Variants in SMG1 observed in about 807,000 individuals in gnomAD.
SMG1 encodes the protein serine/threonine-protein kinase SMG1.
A neutral mutation model predicts 419.9 loss-of-function variants in SMG1; 22 were observed. That is an observed-to-expected ratio of 0.05 (90% CI 0.04 to 0.07). The LOEUF (loss-of-function observed/expected upper bound fraction) is 0.07. Ranked by LOEUF, SMG1 falls within the 10% of genes least tolerant of loss-of-function variation. The pLI is 1.00. For synonymous variants in SMG1, 1,538 were observed against 1,553.5 expected, an observed-to-expected ratio of 0.99 and a Z score of 0.23; for missense variants, 3,185 against 4,342.0, an observed-to-expected ratio of 0.73 and a Z score of 7.49.
At chr16:18,810,955 A>G (rs983389118) in intron 62 of SMG1, among the ~76,000 whole-genome samples, 1 of 152,186 alleles carries the variant, frequency 6.6e-6, no homozygotes, top group Non-Finnish European at 1.5e-5. Context: ...TAAAACGTTT[A>G]TGGGCATTCC....
chr16:18,827,964 T>G (rs2032867875), intron 55 of SMG1, 67 bp downstream of exon 55: 2 of 1,524,132 alleles, frequency 1.3e-6, no homozygotes, highest in Non-Finnish European at 1.8e-6. Flanking sequence ...AACAGAGCAC[T>G]AACAATCATA....
rs2031052719 is a variant in SMG1, at chr16:18,808,425, T to A, written c.*1144A>T. The A allele has an allele frequency of 6.6e-6, 1 of 152,158 alleles. No homozygotes were observed. The highest frequency in any genetic ancestry group is 2.4e-5 in the African/African-American group (1 of 41,418). 9.4% of individuals were successfully genotyped at this position (152,158 alleles called of 1,614,324 possible). ...AAATGAAAAACATGAATTAAAAAAA[T>A]TTCAGTCTACCTCCACCAGAACATC... On this transcript the variant is annotated 3_prime_UTR_variant, in exon 63 of 63. Coordinates refer to ENST00000446231, the MANE Select transcript of SMG1 (RefSeq NM_015092.5).
Position 18,829,467 on chromosome 16 carries a change from G to C in SMG1, c.9422C>G (p.Ala3141Gly). 2 of 1,613,968 alleles carry C rather than the reference G, an allele frequency of 1.2e-6. No individual in the cohort carries two copies. The highest frequency in any genetic ancestry group is 1.7e-6 in the Non-Finnish European group (2 of 1,179,886). ...CCCTATCTGGATGTTATGTTCCACC[G>C]CTTTCTTACAGAGATCATCAACAGA... Reference protein sequence around the residue: ...KVSVDDLCKKAVEHNIQIGKF... With the variant: ...KVSVDDLCKKGVEHNIQIGKF... The change falls in exon 54 of 63, where the codon GCG (alanine) becomes GGG (glycine). Residue 3141 changes from alanine (A) to glycine (G), a missense_variant. Around this residue, in one of 27 missense-constraint regions of SMG1, gnomAD observed 737 missense variants for 846.6 expected, o/e 0.87. Coordinates refer to ENST00000446231, the MANE Select transcript of SMG1 (RefSeq NM_015092.5).
At chr16:18,917,749 G>T (rs867322333) in intron 1 of SMG1, among the ~76,000 whole-genome samples, 5 of 150,754 alleles carry the variant, frequency 3.3e-5, no homozygotes, top group African/African-American at 1.2e-4. Flanking sequence ...GACTAATTTT[G>T]TATTTTTAGT....
intron 4 of SMG1, 65 bp from the exon 5 acceptor site, chr16:18,890,986 C>T: frequency 1.2e-6 from 1 of 829,924 alleles, no homozygotes; most frequent in Non-Finnish European, 2.1e-6. Context: ...GCATTGTGTA[C>T]TTTTTTACTT....
Position 18,841,754 on chromosome 16 carries a change from G to A in SMG1, c.6507C>T (p.Phe2169=). Residue 2169 remains phenylalanine (F), a synonymous_variant, in exon 41 of 63, where the codon TTC becomes TTT. Coordinates refer to ENST00000446231, the MANE Select transcript of SMG1 (RefSeq NM_015092.5). ...DLHLDERIMQ[F]LSIVNTMFAT... is the part of the protein sequence containing the mutation. ...CAAACATGGTATTCACAATAGATAG[G>A]AACTGCATTATTCTCTCATCCAGAT... is the stretch of plus-strand genomic sequence containing the variant. 1 of 1,613,878 alleles carries A rather than the reference G, an allele frequency of 6.2e-7. No individual in the cohort carries two copies. The highest frequency in any genetic ancestry group is 8.5e-7 in the Non-Finnish European group (1 of 1,179,868).
chr16:18,894,893 C>T (rs1456586003), intron 3 of SMG1, among the ~76,000 whole-genome samples: 1 of 152,092 alleles, frequency 6.6e-6, no homozygotes, highest in Non-Finnish European at 1.5e-5. Context: ...TCTAAGCTCA[C>T]TGCAAGCTCC....
At chr16:18,842,645 C>T (rs1390461569) in intron 39 of SMG1, among the ~76,000 whole-genome samples, 191 bp from the exon 40 acceptor site, 1 of 152,086 alleles carries the variant, frequency 6.6e-6, no homozygotes, top group Non-Finnish European at 1.5e-5. Flanking sequence ...AGCAACATGG[C>T]AAAACCCCAT....
chr16:18,834,135 G>C, intron 50 of SMG1, 69 bp downstream of exon 50: 1 of 1,179,806 alleles, frequency 8.5e-7, no homozygotes, highest in Non-Finnish European at 1.2e-6. Context: ...TGCTTTCCTG[G>C]GTTAAAGAGA....
intron 1 of SMG1, among the ~76,000 whole-genome samples, chr16:18,907,845 CAAAAAAAAAAAAAAAA>C (rs71141092): frequency 1.8e-5 from 1 of 54,976 alleles, no homozygotes; most frequent in African/African-American, 6.6e-5. Context: ...GAACGAGACT[CAAAAAAAAAAAAAAAA>C]AAAAAAAAGA....
Position 18,830,015 on chromosome 16 carries a change from T to G in SMG1, c.9044A>C (p.Gln3015Pro). ...VNFFDDDNHR[Q>P]VLEEIFFLKR... ...TAGAAAGAAAATCTCTTCTAGCACC[T>G]GCCGGTGATTATCATCATCAAAAAA... Residue 3015 changes from glutamine (Q) to proline (P), a missense_variant, in exon 53 of 63, where the codon CAG becomes CCG. By Grantham distance (76) the Gln-to-Pro change is moderately conservative (BLOSUM62 -1). Around this residue, in one of 27 missense-constraint regions of SMG1, gnomAD observed 737 missense variants for 846.6 expected, o/e 0.87. Transcript: ENST00000446231. The G allele has an allele frequency of 6.3e-7, 1 of 1,594,988 alleles. No individual in the cohort carries two copies. Among genetic ancestry groups the G allele is most frequent in the Non-Finnish European group, 8.6e-7 (1 of 1,169,552 alleles).
At chr16:18,874,010 G>A (rs569067237) in intron 13 of SMG1, among the ~76,000 whole-genome samples, 119 of 152,344 alleles carry the variant, frequency 7.8e-4, no homozygotes, top group African/African-American at 2.6e-3. Context: ...GGTAATAAGC[G>A]AAGCAGCTAT....
chr16:18,876,044 A>G (rs2036115049), intron 13 of SMG1, 80 bp downstream of exon 13: 12 of 1,455,760 alleles, frequency 8.2e-6, no homozygotes, highest in South Asian at 5.9e-5. Context: ...ACATCTTGAC[A>G]TGACAGTGAA....
intron 49 of SMG1, 23 bp from the exon 50 acceptor site, chr16:18,834,461 C>G (rs1446740157): frequency 1.9e-6 from 3 of 1,596,394 alleles, no homozygotes; most frequent in African/African-American, 1.3e-5. Context: ...AATATCTGTA[C>G]AGTGAAACTT....
chr16:18,838,808 A>C, intron 42 of SMG1, 119 bp from the exon 43 acceptor site: 3 of 703,390 alleles, frequency 4.3e-6, no homozygotes, highest in Non-Finnish European at 7.1e-6. Flanking sequence ...TTTTAAAATA[A>C]ATCAACAAAT....
chr16:18,866,496 T>G (rs959598945), intron 23 of SMG1, 125 bp downstream of exon 23: 1 of 812,804 alleles, frequency 1.2e-6, no homozygotes, highest in African/African-American at 1.7e-5. Context: ...TGAAGTGATT[T>G]ATAGCAAGCT....
intron 39 of SMG1, among the ~76,000 whole-genome samples, chr16:18,843,590 G>T (rs903585739): frequency 6.6e-6 from 1 of 152,118 alleles, no homozygotes; most frequent in Non-Finnish European, 1.5e-5. Flanking sequence ...ATAAATTGTG[G>T]TATTTTCATA....
chr16:18,850,568 A>T, intron 33 of SMG1, 101 bp from the exon 34 acceptor site: 1 of 734,490 alleles, frequency 1.4e-6, no homozygotes, highest in Non-Finnish European at 2.2e-6. Context: ...CATATATAAA[A>T]GATAAAATTA....
In SMG1 at chr16:18,847,929, T is replaced by C. The variant is rs1233771690; in HGVS notation, c.5728A>G (p.Ser1910Gly). 6.2e-7 allele frequency: 1 copy of C among 1,613,906 alleles called. No individual in the cohort carries two copies. The highest frequency in any genetic ancestry group is 1.3e-5 in the African/African-American group (1 of 74,952). ...CCACTTTTAGGTTCATCCTTATTGC[T>C]ATCCTGAGATGCAGGAGGACTTCCT... ...EGGSPPASQD[S>G]NKDEPKSGLN... Residue 1910 changes from serine to glycine, a missense_variant, in exon 37 of 63, where the codon AGC (serine) becomes GGC (glycine). This residue lies in a region of SMG1 where 130 missense variants were observed against 162.0 expected (regional missense o/e 0.80). Transcript: ENST00000446231.
Sources: gnomAD v4.1 joint callset for allele counts (sites outside exome capture counted in the v4.1 genomes callset) on GRCh38, gnomAD v4.1.1 for gene constraint, gnomAD v4.1.1 regional missense constraint, MANE v1.5 for transcripts, NCBI Gene and HGNC (gene_info 2026-07-23, HGNC 2026-07-21) for gene names.